The following ZNF160 variants were observed in gnomAD, a reference collection of about 807,000 sequenced individuals.
The protein encoded by ZNF160 is KRAB zinc finger protein KR18.
Under a neutral mutation model 13.1 loss-of-function variants are expected in ZNF160, and 9 were observed. The observed-to-expected ratio is 0.69, with a 90% CI of 0.41 to 1.20. ZNF160 has a LOEUF of 1.20. Among genes scored for constraint, ZNF160 ranks in the 50% most tolerant of loss-of-function variants. The pLI, the probability that ZNF160 is intolerant of heterozygous loss-of-function variation, is 0.01. For missense variants in ZNF160, 838 were observed against 988.0 expected, an observed-to-expected ratio of 0.85 and a Z score of 2.04; for synonymous variants, 293 against 333.2, an observed-to-expected ratio of 0.88 and a Z score of 1.31.
At chr19:53,081,015 CAT>C (rs1203811896) in intron 3 of ZNF160, among the ~76,000 whole-genome samples, 7 of 152,242 alleles carry the variant, frequency 4.6e-5, no homozygotes, top group Non-Finnish European at 5.9e-5. Flanking sequence ...ACTGGCTAAA[CAT>C]ATGCAGAAGA....
At position 53,069,342 on chromosome 19, in the gene ZNF160, T is replaced by C. The variant is rs1490019291; in HGVS notation, c.1192A>G (p.Lys398Glu). The C allele has an allele frequency of 1.2e-6, 2 of 1,614,008 alleles. No homozygotes were observed. The highest frequency in any genetic ancestry group is 1.3e-5 in the African/African-American group (1 of 75,038). Residue 398 changes from lysine (K) to glutamate (E), a missense_variant, in exon 6 of 6, where the codon AAG becomes GAG. Around this residue, in one of 3 missense-constraint regions of ZNF160, gnomAD observed 400 missense variants for 538.9 expected, o/e 0.74. Transcript: ENST00000683776. The surrounding 1 kb of genome is among the most constrained non-coding windows in gnomAD (Gnocchi z 4.4). The stretch of plus-strand genomic sequence containing the variant: ...AAGGCTTTGCCGCACTCATTGCACT[T>C]GTAAGGTTTCTCTCCAGTGTGAATT... ...WRIHTGEKPYKCNECGKAFSV... is the reference protein window; with the variant it reads ...WRIHTGEKPYECNECGKAFSV...
At chr19:53,085,100 T>A in intron 3 of ZNF160, 1 of 919,832 alleles carries the variant, frequency 1.1e-6, no homozygotes, top group Non-Finnish European at 1.3e-6. Context: ...ATTACAGGTG[T>A]GAGCCACCAT....
At chr19:53,077,964 A>G (rs1217417452) in intron 3 of ZNF160, among the ~76,000 whole-genome samples, 6 of 152,102 alleles carry the variant, frequency 3.9e-5, no homozygotes, top group African/African-American at 7.2e-5. Flanking sequence ...CACTAGAGCC[A>G]GGCGTGATGG....
chr19:53,067,706 A>AT lies in ZNF160; in HGVS notation c.*370dup, dbSNP rs1433631942. On this transcript the variant is annotated 3_prime_UTR_variant, in exon 6 of 6. Coordinates refer to ENST00000683776, the MANE Select transcript of ZNF160 (RefSeq NM_001322131.2). ...TTCGTATGTGAGTTAAAAATATATA[A>AT]TTTTTAGCATATTTGGACTTGTGAG... 2.3e-5 allele frequency: 4 copies of AT among 171,972 alleles called. No individual in the cohort carries two copies. The highest frequency in any genetic ancestry group is 4.9e-5 in the Non-Finnish European group (4 of 81,768). The allele number at this position is 171,972 out of a possible 1,614,324, so 10.7% of individuals were successfully genotyped here. A position where few individuals can be genotyped will look rare whatever the true frequency, so the allele number is the denominator to read the frequency against.
At chr19:53,098,674 A>C (rs1661923) in intron 1 of ZNF160, among the ~76,000 whole-genome samples, 2 of 149,006 alleles carry the variant, frequency 1.3e-5, no homozygotes, top group African/African-American at 5.0e-5. Flanking sequence ...TTCATGGCCC[A>C]CTTAGCTTCT....
intron 3 of ZNF160, chr19:53,076,808 A>T (rs1281877637): frequency 2.0e-5 from 3 of 152,188 alleles, no homozygotes; most frequent in Admixed American, 6.6e-5. Context: ...ACACCTGCTC[A>T]CCTGAGGCCC....
chr19:53,089,605 T>C (rs1290358272), intron 2 of ZNF160, among the ~76,000 whole-genome samples: 3 of 152,198 alleles, frequency 2.0e-5, no homozygotes, highest in East Asian at 1.9e-4. Context: ...CATAGCCTTA[T>C]AGACAAGTTT....
chr19:53,086,168 G>A, intron 3 of ZNF160, 94 bp downstream of exon 3: 2 of 1,419,284 alleles, frequency 1.4e-6, no homozygotes, highest in Non-Finnish European at 2.0e-6. Context: ...AACATGTCAG[G>A]CAGGACGCTT....
intron 3 of ZNF160, chr19:53,075,415 T>C (rs889971886): frequency 6.3e-6 from 3 of 477,446 alleles, no homozygotes; most frequent in Admixed American, 6.9e-5. Context: ...AATGGGATAA[T>C]TGGTGTCTGG....
intron 3 of ZNF160, among the ~76,000 whole-genome samples, chr19:53,083,758 T>C (rs1218341295): frequency 1.3e-5 from 2 of 151,770 alleles, no homozygotes; most frequent in Non-Finnish European, 2.9e-5. Flanking sequence ...ACATAAAAAA[T>C]TATCTGGGTG....
chr19:53,085,639 G>C (rs1444946742), intron 3 of ZNF160: 2 of 189,478 alleles, frequency 1.1e-5, no homozygotes, highest in Non-Finnish European at 2.2e-5. Context: ...GTCTCCATGG[G>C]ATAGAGCTTC....
intron 1 of ZNF160, among the ~76,000 whole-genome samples, chr19:53,102,947 G>A (rs1310890960): frequency 1.3e-5 from 2 of 152,148 alleles, no homozygotes; most frequent in South Asian, 4.1e-4. Context: ...TAGGACAGGG[G>A]TGGGATGTGC....
intron 1 of ZNF160, among the ~76,000 whole-genome samples, chr19:53,093,993 C>T (rs555232087): frequency 6.6e-6 from 1 of 152,242 alleles, no homozygotes; most frequent in South Asian, 2.1e-4. Context: ...GATAAGGAAA[C>T]AAGGCATTAG....
chr19:53,082,723 T>G (rs75613782), intron 3 of ZNF160, among the ~76,000 whole-genome samples: 2 of 152,122 alleles, frequency 1.3e-5, no homozygotes, highest in Non-Finnish European at 2.9e-5. Flanking sequence ...TTTTCCCCTA[T>G]GCCAGCAAGC....
intron 1 of ZNF160, among the ~76,000 whole-genome samples, chr19:53,095,133 G>A (rs10410437): frequency 2.3e-5 from 2 of 87,358 alleles, no homozygotes; most frequent in African/African-American, 9.8e-5. Context: ...TGCCCAGACC[G>A]CACCCCAGGG....
chr19:53,070,881 T>G (rs910311652), intron 5 of ZNF160, among the ~76,000 whole-genome samples: 1 of 151,838 alleles, frequency 6.6e-6, no homozygotes, highest in Non-Finnish European at 1.5e-5. Flanking sequence ...ACAGCAAGAC[T>G]CCATCTCTAC....
At chr19:53,102,520 T>C (rs2085483258) in intron 1 of ZNF160, among the ~76,000 whole-genome samples, 1 of 152,216 alleles carries the variant, frequency 6.6e-6, no homozygotes, top group Non-Finnish European at 1.5e-5. Flanking sequence ...ACATCGAGCT[T>C]TTCTCTACAT....
chr19:53,099,238 C>T (rs139677319), intron 1 of ZNF160, among the ~76,000 whole-genome samples: 8 of 152,262 alleles, frequency 5.3e-5, no homozygotes, highest in Non-Finnish European at 8.8e-5. Context: ...TGGAAGACAG[C>T]TCTGAGGCTA....
At chr19:53,098,191 T>C (rs2085307074) in intron 1 of ZNF160, among the ~76,000 whole-genome samples, 1 of 152,118 alleles carries the variant, frequency 6.6e-6, no homozygotes. Context: ...GAGACTTCTT[T>C]CCAAGTGTGC....
Sources: gnomAD v4.1 joint callset for allele counts (sites outside exome capture counted in the v4.1 genomes callset) on GRCh38, gnomAD v4.1.1 for gene constraint, gnomAD v4.1.1 regional missense constraint, Gnocchi (gnomAD v3.1) non-coding constraint, MANE v1.5 for transcripts, NCBI Gene and HGNC (gene_info 2026-07-23, HGNC 2026-07-21) for gene names.